Variants in TRAF3 observed in about 807,000 individuals in gnomAD.
TRAF3 encodes TNF receptor-associated factor 3.
TRAF3 carries 13 observed loss-of-function variants against 62.3 expected under a neutral mutation model. That is an observed-to-expected ratio of 0.21 (90% CI 0.14 to 0.33). The LOEUF (loss-of-function observed/expected upper bound fraction) is 0.33, where lower values mean the gene tolerates loss of function less well. Among genes scored for constraint, TRAF3 ranks in the 10% least tolerant of loss-of-function variants. The pLI is 1.00. For synonymous variants in TRAF3, 269 were observed against 283.4 expected (o/e 0.95, Z 0.51); for missense variants, 440 against 741.8 (o/e 0.59, Z 4.73).
At position 102,830,971 on chromosome 14, in the gene TRAF3, A is replaced by T. The variant is rs563488682; in HGVS notation, c.-18+499A>T. On this transcript the variant is annotated intron_variant, in intron 2 of 11. Transcript: ENST00000392745. Reference sequence around the variant, plus strand: ...GTTCGGCTTACAAGGTTTGAAATACAAATTGATTTTTTTAGCCAGATTCCA... The same window carrying T: ...GTTCGGCTTACAAGGTTTGAAATACTAATTGATTTTTTTAGCCAGATTCCA... Among the ~76,000 whole-genome samples the T allele has an allele frequency of 9.2e-5, 14 of 152,364 alleles. No homozygotes were observed. The South Asian group carries it at 1.5e-3, about 16-fold the overall frequency.
rs913752508 is a variant in TRAF3 at position 102,860,001 on chromosome 14, A to AT, written c.-17-10180dup. On this transcript the variant is annotated intron_variant, in intron 2 of 11. Coordinates refer to ENST00000392745, the MANE Select transcript of TRAF3 (RefSeq NM_145725.3). ...CGCTACAGAACACAACAGTGCAATG[A>AT]TTTTACCACATATTTCATTGCCAGG... is the stretch of plus-strand genomic sequence containing the variant. 1.7e-3 allele frequency among the ~76,000 whole-genome samples: 261 copies of AT among 152,276 alleles called. 4 individuals carry two copies. Among genetic ancestry groups the AT allele is most frequent in the East Asian group, 1.4e-3 (7 of 5,184 alleles).
rs11160707 is a variant in TRAF3, at chr14:102,908,373, G to A, written c.*2589G>A. The A allele has an allele frequency of 0.019, 2,894 of 152,688 alleles. 156 individuals are homozygous for A. Among genetic ancestry groups the A allele is most frequent in the East Asian group, 0.14 (729 of 5,192 alleles). 9.5% of individuals were successfully genotyped at this position (152,688 alleles called of 1,614,324 possible). The stretch of plus-strand genomic sequence containing the variant: ...ACGCGCTTTGTCTTTGTGTTTGGTT[G>A]TATCGGGGTCTCTGTTCTGAGTGTG... On this transcript the variant is annotated 3_prime_UTR_variant, in exon 12 of 12. Coordinates refer to ENST00000392745, the MANE Select transcript of TRAF3 (RefSeq NM_145725.3).
At chr14:102,877,075 C>T (rs1444417318) in intron 6 of TRAF3, among the ~76,000 whole-genome samples, 3 of 149,032 alleles carry the variant, frequency 2.0e-5, no homozygotes, top group Admixed American at 6.7e-5. Context: ...ATAGATAATC[C>T]GTTCCACAGA....
intron 2 of TRAF3, among the ~76,000 whole-genome samples, chr14:102,845,192 G>A (rs1182316350): frequency 2.7e-5 from 4 of 148,308 alleles, no homozygotes; most frequent in East Asian, 2.0e-4. Context: ...CACCATGCCC[G>A]GCCCTAAAAA....
intron 2 of TRAF3, among the ~76,000 whole-genome samples, chr14:102,867,318 T>C (rs1386418024): frequency 6.6e-6 from 1 of 152,192 alleles, no homozygotes; most frequent in African/African-American, 2.4e-5. Context: ...TTAAAAAATC[T>C]AAAAAGCATT....
At chr14:102,856,127 G>T (rs1887355431) in intron 2 of TRAF3, among the ~76,000 whole-genome samples, 1 of 146,548 alleles carries the variant, frequency 6.8e-6, no homozygotes, top group Non-Finnish European at 1.5e-5. Flanking sequence ...AAAAATTACA[G>T]CCATCCCAGT....
At chr14:102,828,845 G>T (rs1353059486) in intron 1 of TRAF3, among the ~76,000 whole-genome samples, 1 of 152,174 alleles carries the variant, frequency 6.6e-6, no homozygotes, top group East Asian at 1.9e-4. Flanking sequence ...AACGTAGTTG[G>T]TTTCAGAGGT....
intron 1 of TRAF3, among the ~76,000 whole-genome samples, chr14:102,782,494 A>G (rs1426532830): frequency 1.3e-5 from 2 of 152,052 alleles, no homozygotes; most frequent in Non-Finnish European, 2.9e-5. Context: ...CAGCCTCCCA[A>G]AGTGCTGGGA....
rs1323546211 is a variant in TRAF3 at position 102,826,335 on chromosome 14, G to C, written c.-156-3999G>C. ...TGGCTGACATGTGGTGAGTCCTCCA[G>C]GAATGTGGCAGCAGAAGGAACACGT... On this transcript the variant is annotated intron_variant, in intron 1 of 11. Transcript: ENST00000392745. The surrounding 1 kb of genome is among the most constrained non-coding windows in gnomAD (Gnocchi z 4.6). Among the ~76,000 whole-genome samples, 4 of 152,296 alleles carry C rather than the reference G, an allele frequency of 2.6e-5. No individual in the cohort carries two copies. The highest frequency in any genetic ancestry group is 3.9e-4 in the East Asian group (2 of 5,172).
At position 102,908,013 on chromosome 14, in the gene TRAF3, G is replaced by A. The variant is rs1890670501; in HGVS notation, c.*2229G>A. 1 of 152,286 alleles carries A rather than the reference G, an allele frequency of 6.6e-6. No homozygotes were observed. The highest frequency in any genetic ancestry group is 2.4e-5 in the African/African-American group (1 of 41,472). The allele number at this position is 152,286 out of a possible 1,614,324, so 9.4% of individuals were successfully genotyped here. On this transcript the variant is annotated 3_prime_UTR_variant, in exon 12 of 12. Coordinates refer to ENST00000392745, the MANE Select transcript of TRAF3 (RefSeq NM_145725.3). ...CCCTCAGGTAGTTTTCCTGAGGCCA[G>A]GGGTTAACAACAGGGACATCCCTGC...
intron 2 of TRAF3, among the ~76,000 whole-genome samples, chr14:102,862,900 A>G (rs1887763920): frequency 6.6e-6 from 1 of 151,166 alleles, no homozygotes; most frequent in South Asian, 2.1e-4. Flanking sequence ...CCTGCAGTGA[A>G]TTTTTCATTT....
At chr14:102,845,853 G>A (rs2139701471) in intron 2 of TRAF3, among the ~76,000 whole-genome samples, 1 of 151,898 alleles carries the variant, frequency 6.6e-6, no homozygotes, top group South Asian at 2.1e-4. Context: ...GGTGGCACAT[G>A]CTTGTAATCC....
intron 10 of TRAF3, among the ~76,000 whole-genome samples, chr14:102,902,695 G>T (rs1566809888): frequency 6.6e-6 from 1 of 152,212 alleles, no homozygotes. Flanking sequence ...CCCCGCACAG[G>T]TGCTGTGGCC....
chr14:102,835,736 G>T (rs1885960232), intron 2 of TRAF3, among the ~76,000 whole-genome samples: 2 of 152,110 alleles, frequency 1.3e-5, no homozygotes, highest in African/African-American at 2.4e-5. Context: ...GGGAACAACC[G>T]ACAGTAGGGC....
chr14:102,806,069 A>G (rs1054887263), intron 1 of TRAF3, among the ~76,000 whole-genome samples: 4 of 151,858 alleles, frequency 2.6e-5, no homozygotes, highest in Admixed American at 6.6e-5. Flanking sequence ...CAGTGTCTGG[A>G]AACCTTCAGA....
In TRAF3 at chr14:102,910,040, C is replaced by T. The variant is rs940053429; in HGVS notation, c.*4256C>T. 3.9e-5 allele frequency: 6 copies of T among 152,262 alleles called. No homozygotes were observed. The highest frequency in any genetic ancestry group is 7.3e-5 in the Non-Finnish European group (5 of 68,082). The allele number at this position is 152,262 out of a possible 1,614,324, so 9.4% of individuals were successfully genotyped here. On this transcript the variant is annotated 3_prime_UTR_variant, in exon 12 of 12. Coordinates refer to ENST00000392745, the MANE Select transcript of TRAF3 (RefSeq NM_145725.3). ...ACAGCTGGGCTGACACCTCCTTTCT[C>T]CCCTGCACGGGGAGGATTGGCCTGA...
rs772348414 is a variant in TRAF3, at chr14:102,909,059, T to A, written c.*3275T>A. ...TGGGAGTAGGGCCTTTCTAGCAGGGTTGGGTGGCTCAGTGAGGGTGTGGAA... is the reference window on the plus strand; with the variant it reads ...TGGGAGTAGGGCCTTTCTAGCAGGGATGGGTGGCTCAGTGAGGGTGTGGAA... On this transcript the variant is annotated 3_prime_UTR_variant, in exon 12 of 12. Transcript: ENST00000392745. 6.6e-6 allele frequency: 1 copy of A among 152,372 alleles called. No individual in the cohort carries two copies. Among genetic ancestry groups the A allele is most frequent in the East Asian group, 1.9e-4 (1 of 5,190 alleles). The allele number at this position is 152,372 out of a possible 1,614,324, so 9.4% of individuals were successfully genotyped here. A position where few individuals can be genotyped will look rare whatever the true frequency, so the allele number is the denominator to read the frequency against.
At chr14:102,881,940 T>G (rs1227749673) in intron 6 of TRAF3, among the ~76,000 whole-genome samples, 2 of 152,194 alleles carry the variant, frequency 1.3e-5, no homozygotes, top group African/African-American at 2.4e-5. Context: ...AGCATATAGA[T>G]TCACGAAATG....
At chr14:102,881,165 C>G (rs1595390786) in intron 6 of TRAF3, among the ~76,000 whole-genome samples, 1 of 152,208 alleles carries the variant, frequency 6.6e-6, no homozygotes, top group African/African-American at 2.4e-5. Context: ...GGGTGGATCA[C>G]CTGAGGTCAG....
Sources: gnomAD v4.1 joint callset for allele counts (sites outside exome capture counted in the v4.1 genomes callset) on GRCh38, gnomAD v4.1.1 for gene constraint, Gnocchi (gnomAD v3.1) non-coding constraint, MANE v1.5 for transcripts, NCBI Gene and HGNC (gene_info 2026-07-23, HGNC 2026-07-21) for gene names.